XKR6: variants seen among roughly 807,000 people sequenced by gnomAD.
XKR6 encodes XK-related protein 6.
Under a neutral mutation model 56.7 loss-of-function variants are expected in XKR6, and 22 were observed. The observed-to-expected ratio is 0.39, with a 90% CI of 0.28 to 0.55. The LOEUF is 0.55. Among genes scored for constraint, XKR6 ranks in the 20% least tolerant of loss-of-function variants. The probability of loss-of-function intolerance (pLI) is 0.66; values close to 1 mark genes in which losing one functional copy is unlikely to be tolerated. For synonymous variants in XKR6, 524 were observed against 387.8 expected, an observed-to-expected ratio of 1.35 and a Z score of -4.13; for missense variants, 852 against 889.0, an observed-to-expected ratio of 0.96 and a Z score of 0.53.
intron 1 of XKR6, among the ~76,000 whole-genome samples, chr8:11,084,462 T>G (rs539358426): frequency 6.6e-6 from 1 of 152,274 alleles, no homozygotes; most frequent in South Asian, 2.1e-4. Flanking sequence ...AGAATTGCAC[T>G]ATTTACCATA....
At chr8:10,982,572 G>A (rs182222515) in intron 1 of XKR6, among the ~76,000 whole-genome samples, 16 of 152,280 alleles carry the variant, frequency 1.1e-4, no homozygotes, top group African/African-American at 3.4e-4. Flanking sequence ...AAGGGAAAAC[G>A]GGAGAAATGT....
chr8:10,984,695 GCTCTCTCTCTCTCTCT>G (rs61138077), intron 1 of XKR6, among the ~76,000 whole-genome samples: 2 of 56,336 alleles, frequency 3.6e-5, no homozygotes, highest in African/African-American at 1.3e-4. Flanking sequence ...AAAATACATG[GCTCTCTCTCTCTCTCT>G]CTCTCTCTCT....
chr8:11,196,437 A>G (rs1803893236), intron 1 of XKR6, among the ~76,000 whole-genome samples: 1 of 151,566 alleles, frequency 6.6e-6, no homozygotes, highest in Non-Finnish European at 1.5e-5. Flanking sequence ...ACAAAACAAA[A>G]AAAACAACAA....
At chr8:11,168,204 C>T (rs980674515) in intron 1 of XKR6, among the ~76,000 whole-genome samples, 2 of 152,178 alleles carry the variant, frequency 1.3e-5, no homozygotes, top group African/African-American at 4.8e-5. Context: ...AATTAACTGA[C>T]AGAACATGTC....
At chr8:10,993,440 C>G (rs538844603) in intron 1 of XKR6, among the ~76,000 whole-genome samples, 7 of 152,348 alleles carry the variant, frequency 4.6e-5, no homozygotes, top group East Asian at 1.9e-4. Context: ...TGTCCCACAC[C>G]TCTGCATGCC....
intron 1 of XKR6, among the ~76,000 whole-genome samples, chr8:10,981,757 T>C (rs1213390355): frequency 6.6e-6 from 1 of 152,252 alleles, no homozygotes; most frequent in Non-Finnish European, 1.5e-5. Context: ...CTAAGTTTAA[T>C]CCTTCATATT....
chr8:11,033,967 G>C (rs749652115), intron 1 of XKR6, among the ~76,000 whole-genome samples: 5 of 152,206 alleles, frequency 3.3e-5, no homozygotes, highest in Non-Finnish European at 7.3e-5. Flanking sequence ...GCAGAGCCAG[G>C]ACTATAACCA....
At chr8:11,085,738 G>C (rs926535874) in intron 1 of XKR6, among the ~76,000 whole-genome samples, 3 of 152,160 alleles carry the variant, frequency 2.0e-5, no homozygotes, top group African/African-American at 7.2e-5. Flanking sequence ...TCCAATTTCA[G>C]ACCGTCAGCA....
intron 1 of XKR6, among the ~76,000 whole-genome samples, chr8:10,958,432 G>T (rs1041084624): frequency 1.3e-5 from 2 of 152,218 alleles, no homozygotes; most frequent in Non-Finnish European, 2.9e-5. Flanking sequence ...CCCAGTTGGT[G>T]CTGCCATTCT....
chr8:10,923,212 C>T (rs773116992), intron 2 of XKR6, among the ~76,000 whole-genome samples: 6 of 152,262 alleles, frequency 3.9e-5, no homozygotes, highest in Non-Finnish European at 8.8e-5. Flanking sequence ...TCCCTCAGCT[C>T]AGTGTGGGTC....
At chr8:10,924,919 T>C in intron 1 of XKR6, 89 bp from the exon 2 acceptor site, 2 of 1,390,620 alleles carry the variant, frequency 1.4e-6, no homozygotes, top group Non-Finnish European at 2.0e-6. Flanking sequence ...ACCAAGAGAC[T>C]CAGCATCCCC....
chr8:11,167,171 C>T (rs1186447521), intron 1 of XKR6, among the ~76,000 whole-genome samples: 3 of 152,170 alleles, frequency 2.0e-5, no homozygotes, highest in Non-Finnish European at 4.4e-5. Context: ...AAAACAAGCA[C>T]CAACTGTCAG....
chr8:11,035,354 G>A (rs902691589), intron 1 of XKR6: 4 of 534,050 alleles, frequency 7.5e-6, no homozygotes, highest in Non-Finnish European at 1.5e-5. Context: ...GCAGGAGCCA[G>A]GAGATCAAAT....
chr8:11,197,783 G>C (rs1378929703), intron 1 of XKR6, among the ~76,000 whole-genome samples: 2 of 152,172 alleles, frequency 1.3e-5, no homozygotes, highest in Admixed American at 6.5e-5. Flanking sequence ...AAGACGTCAA[G>C]TATTTGCCAT....
intron 1 of XKR6, among the ~76,000 whole-genome samples, chr8:10,976,933 T>C (rs1368369698): frequency 5.9e-5 from 9 of 151,828 alleles, no homozygotes; most frequent in Non-Finnish European, 1.2e-4. Flanking sequence ...ATGCAGGAGG[T>C]GGTCCCTGCT....
chr8:10,975,411 G>A (rs1802525589), intron 1 of XKR6, among the ~76,000 whole-genome samples: 1 of 152,230 alleles, frequency 6.6e-6, no homozygotes, highest in African/African-American at 2.4e-5. Flanking sequence ...CAGGTGCACT[G>A]CCCTACAAAG....
intron 1 of XKR6, among the ~76,000 whole-genome samples, chr8:10,928,201 C>T (rs1800953627): frequency 6.6e-6 from 1 of 152,178 alleles, no homozygotes; most frequent in Admixed American, 6.5e-5. Context: ...TGCTGTGGGG[C>T]CCGGACGGGA....
chr8:11,127,424 C>G (rs1465320773), intron 1 of XKR6, among the ~76,000 whole-genome samples: 2 of 152,214 alleles, frequency 1.3e-5, no homozygotes, highest in East Asian at 1.9e-4. Context: ...ATTACACTTA[C>G]CAGTGGCTTA....
intron 1 of XKR6, among the ~76,000 whole-genome samples, chr8:11,127,677 C>A (rs1246881817): frequency 1.3e-5 from 2 of 152,186 alleles, no homozygotes; most frequent in African/African-American, 2.4e-5. Context: ...GTGGCTACAT[C>A]AGGCCCACCT....
Sources: allele counts gnomAD v4.1 joint callset (sites outside exome capture counted in the v4.1 genomes callset), GRCh38; gene constraint gnomAD v4.1.1; transcripts MANE v1.5; gene names NCBI Gene and HGNC (gene_info 2026-07-23, HGNC 2026-07-21).